SLC4A11: variants seen among roughly 807,000 people sequenced by gnomAD.
SLC4A11 encodes the protein solute carrier family 4 member 11.
Under a neutral mutation model 95.0 loss-of-function variants are expected in SLC4A11, and 74 were observed. The ratio of observed to expected loss-of-function variants is 0.78; its 90% CI spans 0.65 to 0.95. The LOEUF (loss-of-function observed/expected upper bound fraction) is 0.95, where lower values mean the gene tolerates loss of function less well. SLC4A11 is among the 40% of genes least tolerant of loss of function. The pLI is 0.00. For synonymous variants in SLC4A11, 548 were observed against 519.0 expected, an observed-to-expected ratio of 1.06 and a Z score of -0.76; for missense variants, 1,081 against 1,192.4, an observed-to-expected ratio of 0.91 and a Z score of 1.38.
Position 3,233,907 on chromosome 20 carries a change from G to A in SLC4A11, c.605+14C>T, listed in dbSNP as rs1339501497. On this transcript the variant is annotated intron_variant, in intron 6 of 19. Coordinates refer to ENST00000642402, the MANE Select transcript of SLC4A11 (RefSeq NM_001174089.2). ...CTGCGACAAGAAGGGGGGCCAAGTG[G>A]CCTGGCAACTCACATGATGCAGAGC... 1 of 1,611,940 alleles carries A rather than the reference G, an allele frequency of 6.2e-7. No individual in the cohort carries two copies. The highest frequency in any genetic ancestry group is 1.1e-5 in the South Asian group (1 of 91,020).
At chr20:3,238,007 C>T in intron 1 of SLC4A11, 2 of 1,546,534 alleles carry the variant, frequency 1.3e-6, no homozygotes, top group Non-Finnish European at 1.7e-6. Flanking sequence ...GGCGGGGGAT[C>T]TCTCTGCACA....
In SLC4A11 at chr20:3,227,848, A is replaced by G; in HGVS notation, c.2567T>C (p.Leu856Pro). The G allele has an allele frequency of 6.2e-7, 1 of 1,612,968 alleles. No homozygotes were observed. Among genetic ancestry groups the G allele is most frequent in the Non-Finnish European group, 8.5e-7 (1 of 1,179,786 alleles). ...CTTGGCTTCAATGATTCGGGGCAGCAGGATATAGCTGTGGGGAGGGAGGGA... is the reference window on the plus strand; with the variant it reads ...CTTGGCTTCAATGATTCGGGGCAGCGGGATATAGCTGTGGGGAGGGAGGGA... Reference protein sequence around the residue: ...MIAMIPIRYILLPRIIEAKYL... With the variant: ...MIAMIPIRYIPLPRIIEAKYL... The change falls in exon 20 of 20, where the codon CTG (leucine) becomes CCG (proline). Residue 856 changes from leucine to proline, a missense_variant. Physicochemically the swap from Leu to Pro is moderately conservative, Grantham distance 98. Around this residue, in one of 3 missense-constraint regions of SLC4A11, gnomAD observed 767 missense variants for 858.0 expected, o/e 0.89. Transcript: ENST00000642402.
rs767296648 is a variant in SLC4A11 at position 3,231,484 on chromosome 20, A to C, written c.794T>G (p.Phe265Cys). The C allele has an allele frequency of 5.0e-6, 8 of 1,613,980 alleles. No individual in the cohort carries two copies. Among genetic ancestry groups the C allele is most frequent in the Non-Finnish European group, 6.8e-6 (8 of 1,180,008 alleles). The change falls in exon 8 of 20, where the codon TTC (phenylalanine) becomes TGC (cysteine). Residue 265 changes from phenylalanine (F) to cysteine (C), a missense_variant. Phe to Cys is a radical substitution (Grantham distance 205). Transcript: ENST00000642402. This position sits in a 1 kb window ranked among gnomAD's most constrained non-coding sequence, Gnocchi z 5.2. The part of the protein sequence containing the change: ...TFATMFSDIA[F>C]RQKLLETRTE... ...GCGGGTCTCCAGGAGCTTCTGGCGG[A>C]AGGCGATATCCGAGAACATGGTGGC... is the stretch of plus-strand genomic sequence containing the variant.
upstream of SLC4A11, chr20:3,239,205 G>C: frequency 7.4e-7 from 1 of 1,342,688 alleles, no homozygotes; most frequent in Non-Finnish European, 9.5e-7. Context: ...CCCAAACTCG[G>C]CGACTCGGGC....
intron 7 of SLC4A11, among the ~76,000 whole-genome samples, chr20:3,232,357 G>A (rs568210386): frequency 6.6e-6 from 1 of 152,374 alleles, no homozygotes; most frequent in Admixed American, 6.5e-5. Flanking sequence ...CTGCCCGTCT[G>A]TTGCTCAAAG....
intron 18 of SLC4A11, 30 bp from the exon 19 acceptor site, chr20:3,228,458 G>A: frequency 6.2e-7 from 1 of 1,613,032 alleles, no homozygotes; most frequent in Non-Finnish European, 8.5e-7. Flanking sequence ...GGTGTGGGCA[G>A]GCATGGGGCT....
chr20:3,231,300 T>A lies in SLC4A11; in HGVS notation c.948+30A>T. The A allele has an allele frequency of 6.2e-7, 1 of 1,613,304 alleles. No homozygotes were observed. Among genetic ancestry groups the A allele is most frequent in the Non-Finnish European group, 8.5e-7 (1 of 1,179,868 alleles). On this transcript the variant is annotated intron_variant, in intron 8 of 19. Transcript: ENST00000642402. This position sits in a 1 kb window ranked among gnomAD's most constrained non-coding sequence, Gnocchi z 5.2. ...GTCCGGCCCATGCCCCCGCCGACCC[T>A]GCCGGCCCCCGCCGGCCTCTACCCT...
chr20:3,229,526 C>T lies in SLC4A11; in HGVS notation c.1740G>A (p.Lys580=), dbSNP rs2067679670. The change falls in exon 14 of 20, where the codon AAG becomes AAA. Residue 580 remains lysine (K), a splice_region_variant and synonymous_variant. Transcript: ENST00000642402. ...CCCCTCCCCATGCAGCCCCTCACCT[C>T]TTCTTGAATTGGTAGAGGGTGTAGC... ...WLGYTLYQFK[K]SPYLHPCVRE... is the part of the protein sequence containing the mutation. The T allele has an allele frequency of 6.2e-7, 1 of 1,612,884 alleles. No homozygotes were observed. Among genetic ancestry groups the T allele is most frequent in the African/African-American group, 1.3e-5 (1 of 75,020 alleles).
chr20:3,230,178 C>T lies in SLC4A11; in HGVS notation c.1489+9G>A, dbSNP rs565229955. On this transcript the variant is annotated intron_variant, in intron 13 of 19. Coordinates refer to ENST00000642402, the MANE Select transcript of SLC4A11 (RefSeq NM_001174089.2). ...CCCTGTTCAGCAGGTGGCCCCCAGC[C>T]GCACTCACTTTTAACCGTGCCCTTG... is the stretch of plus-strand genomic sequence containing the variant. The T allele has an allele frequency of 1.2e-5, 20 of 1,613,452 alleles. No homozygotes were observed. The highest frequency in any genetic ancestry group is 3.3e-4 in the Middle Eastern group (2 of 6,060).
chr20:3,228,443 G>A lies in SLC4A11; in HGVS notation c.2389-15C>T, dbSNP rs770613155. 1.9e-5 allele frequency: 30 copies of A among 1,612,964 alleles called. No individual in the cohort carries two copies. Among genetic ancestry groups the A allele is most frequent in the Non-Finnish European group, 2.5e-5 (30 of 1,179,942 alleles). The stretch of plus-strand genomic sequence containing the variant: ...GGGTACGCAGTCTGTGGGCGGCAGG[G>A]ACCGGGTGTGGGCAGGCATGGGGCT... On this transcript the variant is annotated splice_polypyrimidine_tract_variant and intron_variant, in intron 18 of 19. Transcript: ENST00000642402.
chr20:3,234,776 G>C lies in SLC4A11; in HGVS notation c.207C>G (p.Val69=), dbSNP rs535910924. Reference sequence around the variant, plus strand: ...TGGCCTGCATCTCAAGGTTGACATTGACAAAAAAACGGATACTCTCGCCAG... The same window carrying C: ...TGGCCTGCATCTCAAGGTTGACATTCACAAAAAAACGGATACTCTCGCCAG... ...IVSGESIRFF[V]NVNLEMQATN... is the part of the protein sequence containing the mutation. Residue 69 remains valine (V), a synonymous_variant, in exon 3 of 20, where the codon GTC becomes GTG. Transcript: ENST00000642402. This position sits in a 1 kb window ranked among gnomAD's most constrained non-coding sequence, Gnocchi z 5.8. The C allele has an allele frequency of 6.2e-7, 1 of 1,613,978 alleles. No homozygotes were observed.
Position 3,228,691 on chromosome 20 carries a change from C to G in SLC4A11, c.2209G>C (p.Glu737Gln). The change falls in exon 18 of 20, where the codon GAG (glutamate) becomes CAG (glutamine). Residue 737 changes from glutamate (E) to glutamine (Q), a missense_variant. Transcript: ENST00000642402. ...GCGCCCAGCGAGGTCAGCCGCGTCT[C>G]CTTCACGTTCACAATCCTGCGGTGG... is the stretch of plus-strand genomic sequence containing the variant. Reference protein sequence around the residue: ...HIYDTIVNVKETRLTSLGASV... With the variant: ...HIYDTIVNVKQTRLTSLGASV... The G allele has an allele frequency of 6.2e-7, 1 of 1,612,972 alleles. No homozygotes were observed. Among genetic ancestry groups the G allele is most frequent in the Non-Finnish European group, 8.5e-7 (1 of 1,179,910 alleles).
chr20:3,238,063 A>T (rs2068043476), intron 1 of SLC4A11: 6 of 1,479,912 alleles, frequency 4.1e-6, no homozygotes, highest in Non-Finnish European at 4.5e-6. Flanking sequence ...ATAAACGCCC[A>T]TTGCAGGCGC....
chr20:3,234,888 T>C lies in SLC4A11; in HGVS notation c.95A>G (p.Tyr32Cys), dbSNP rs2067919341. The C allele has an allele frequency of 3.1e-6, 5 of 1,613,670 alleles. No individual in the cohort carries two copies. In the South Asian group the frequency reaches 3.3e-5, roughly 11 times the overall value. Residue 32 changes from tyrosine to cysteine, a missense_variant, in exon 3 of 20, where the codon TAC becomes TGC. Physicochemically the swap from Tyr to Cys is radical, Grantham distance 194 (BLOSUM62 -2). This residue lies in a region of SLC4A11 where 310 missense variants were observed against 313.5 expected (regional missense o/e 0.99). Coordinates refer to ENST00000642402, the MANE Select transcript of SLC4A11 (RefSeq NM_001174089.2). This position sits in a 1 kb window ranked among gnomAD's most constrained non-coding sequence, Gnocchi z 5.8. ...GAAGGTGTCATCTGTGTCACACTTG[T>C]AGTAGCCTAGAGACCCCCAAGAGCA... ...QNGYFEDSSY[Y>C]KCDTDDTFEA...
In SLC4A11 at chr20:3,237,909, G is replaced by T. The variant is rs112505411; in HGVS notation, c.44-321C>A. 2,490 of 1,550,668 alleles carry T rather than the reference G, an allele frequency of 1.6e-3. 8 individuals carry two copies. The highest frequency in any genetic ancestry group is 2.0e-3 in the Non-Finnish European group (2,324 of 1,146,996). Reference sequence around the variant, plus strand: ...TACCAGTACCATGTTCGCTAATCCAGGTTTTCCTGAGAAAACCCTGCCCCG... The same window carrying T: ...TACCAGTACCATGTTCGCTAATCCATGTTTTCCTGAGAAAACCCTGCCCCG... On this transcript the variant is annotated intron_variant, in intron 1 of 19. Coordinates refer to ENST00000642402, the MANE Select transcript of SLC4A11 (RefSeq NM_001174089.2).
At chr20:3,237,933 C>G in intron 1 of SLC4A11, 1 of 1,550,632 alleles carries the variant, frequency 6.4e-7, no homozygotes, top group Middle Eastern at 1.7e-4. Context: ...AACCCTGCCC[C>G]GCTGCAGCGA....
At chr20:3,239,537 G>A, upstream of SLC4A11, 1 of 990,686 alleles carries the variant, frequency 1.0e-6, no homozygotes, top group African/African-American at 1.7e-5. Flanking sequence ...AGCCCACCGA[G>A]CTGTGCGACT....
chr20:3,227,547 C>T lies in SLC4A11; in HGVS notation c.*240G>A, dbSNP rs2122483414. On this transcript the variant is annotated 3_prime_UTR_variant, in exon 20 of 20. Transcript: ENST00000642402. ...GAAAATCCATCCTGCTCAGTCCCACCCACCCTGGGCAGAAGCTGCCCTGAG... is the reference window on the plus strand; with the variant it reads ...GAAAATCCATCCTGCTCAGTCCCACTCACCCTGGGCAGAAGCTGCCCTGAG... 1 of 581,630 alleles carries T rather than the reference C, an allele frequency of 1.7e-6. No homozygotes were observed. The highest frequency in any genetic ancestry group is 2.9e-5 in the East Asian group (1 of 34,652). The allele number at this position is 581,630 out of a possible 1,614,324, so 36.0% of individuals were successfully genotyped here. A position where few individuals can be genotyped will look rare whatever the true frequency, so the allele number is the denominator to read the frequency against.
rs764465181 is a variant in SLC4A11, at chr20:3,231,738, G to A, written c.730-190C>T. 2.6e-5 allele frequency among the ~76,000 whole-genome samples: 4 copies of A among 152,062 alleles called. No homozygotes were observed. Among genetic ancestry groups the A allele is most frequent in the Non-Finnish European group, 5.9e-5 (4 of 68,026 alleles). The stretch of plus-strand genomic sequence containing the variant: ...CACACTCACGGCTTATCGTAGCCTC[G>A]ACCTCCCGGGCTCAAGTGATTCTCC... On this transcript the variant is annotated intron_variant, in intron 7 of 19. Coordinates refer to ENST00000642402, the MANE Select transcript of SLC4A11 (RefSeq NM_001174089.2). This position sits in a 1 kb window ranked among gnomAD's most constrained non-coding sequence, Gnocchi z 5.2.
Sources: allele counts gnomAD v4.1 joint callset (sites outside exome capture counted in the v4.1 genomes callset), GRCh38; gene constraint gnomAD v4.1.1; regional missense constraint gnomAD v4.1.1; non-coding constraint Gnocchi (gnomAD v3.1); transcripts MANE v1.5; gene names NCBI Gene and HGNC (gene_info 2026-07-23, HGNC 2026-07-21).